The following EEIG2 variants were observed in gnomAD, a reference collection of about 807,000 sequenced individuals.
The protein encoded by EEIG2 is family with sequence similarity 102 member B.
chr1:108,563,777 A>C, the EEIG2 span, among the ~76,000 whole-genome samples: 1 of 152,232 alleles, frequency 6.6e-6, no homozygotes, highest in Non-Finnish European at 1.5e-5. Context: ...AATTACTTCT[A>C]ATGAAATTAG....
At chr1:108,575,345 G>A in the EEIG2 span, among the ~76,000 whole-genome samples, 2 of 152,114 alleles carry the variant, frequency 1.3e-5, no homozygotes, top group African/African-American at 4.8e-5. Flanking sequence ...GAATTTCTCA[G>A]CTAAAATTAA....
chr1:108,611,398 CAG>C, the EEIG2 span, among the ~76,000 whole-genome samples: 2 of 152,146 alleles, frequency 1.3e-5, no homozygotes, highest in African/African-American at 4.8e-5. Context: ...TGAGCAACAA[CAG>C]AGGAAAGACT....
chr1:108,620,220 A>G, the EEIG2 span, among the ~76,000 whole-genome samples: 15 of 152,342 alleles, frequency 9.8e-5, no homozygotes, highest in Admixed American at 2.6e-4. Context: ...AAATTGTTTT[A>G]AATTTACTTG....
the EEIG2 span, chr1:108,629,449 A>C: frequency 1.8e-6 from 1 of 555,522 alleles, no homozygotes; most frequent in Non-Finnish European, 3.2e-6. Context: ...CCTATTTTAA[A>C]ACATGTATAT....
chr1:108,594,544 A>C, the EEIG2 span, among the ~76,000 whole-genome samples: 1 of 152,222 alleles, frequency 6.6e-6, no homozygotes, highest in Non-Finnish European at 1.5e-5. Flanking sequence ...CTTTATCTAT[A>C]AAATGGAGTT....
chr1:108,613,225 A>G, the EEIG2 span, among the ~76,000 whole-genome samples: 2 of 152,246 alleles, frequency 1.3e-5, no homozygotes, highest in Non-Finnish European at 2.9e-5. Context: ...TTGATTGCAT[A>G]GTTTTGTGGT....
At chr1:108,606,179 CT>C in the EEIG2 span, 1 of 1,277,738 alleles carries the variant, frequency 7.8e-7, no homozygotes. Flanking sequence ...AATTTTAAAT[CT>C]TTCATTATGT....
At chr1:108,634,113 G>GA in the EEIG2 span, among the ~76,000 whole-genome samples, 1,294 of 152,240 alleles carry the variant, frequency 8.5e-3, 20 homozygotes, top group East Asian at 0.02. Flanking sequence ...AGGCAGGAGG[G>GA]AAAATCTGGT....
the EEIG2 span, among the ~76,000 whole-genome samples, chr1:108,630,069 C>T: frequency 2.0e-5 from 3 of 152,290 alleles, no homozygotes; most frequent in South Asian, 2.1e-4. Context: ...GCCTCAAACT[C>T]CTGAGCTCAA....
At chr1:108,576,128 C>T in the EEIG2 span, among the ~76,000 whole-genome samples, 1 of 152,174 alleles carries the variant, frequency 6.6e-6, no homozygotes, top group Non-Finnish European at 1.5e-5. Flanking sequence ...ACCACAGGCA[C>T]ACACCACTGT....
chr1:108,632,965 T>TTTA, the EEIG2 span, among the ~76,000 whole-genome samples: 31 of 149,924 alleles, frequency 2.1e-4, 1 homozygote, highest in Non-Finnish European at 4.2e-4. Flanking sequence ...TTTTTTTTTT[T>TTTA]ATAGAGACAG....
At chr1:108,637,046 C>T in the EEIG2 span, 5 of 152,168 alleles carry the variant, frequency 3.3e-5, no homozygotes, top group African/African-American at 1.2e-4. Flanking sequence ...GTAAGAGGTG[C>T]TGCAATCAGG....
At chr1:108,596,172 G>A in the EEIG2 span, among the ~76,000 whole-genome samples, 1 of 150,184 alleles carries the variant, frequency 6.7e-6, no homozygotes, top group African/African-American at 2.5e-5. Flanking sequence ...AAAATTCTTA[G>A]TGGGTTTTTT....
At chr1:108,588,728 CT>C in the EEIG2 span, among the ~76,000 whole-genome samples, 465 of 121,304 alleles carry the variant, frequency 3.8e-3, 2 homozygotes, top group Middle Eastern at 8.5e-3. Context: ...GGTTATTTGA[CT>C]TTTTTTTTTT....
the EEIG2 span, among the ~76,000 whole-genome samples, chr1:108,600,158 A>C: frequency 6.6e-6 from 1 of 152,190 alleles, no homozygotes; most frequent in African/African-American, 2.4e-5. Context: ...TTATTCCTAG[A>C]ATAAGCATTT....
At chr1:108,604,931 C>T in the EEIG2 span, among the ~76,000 whole-genome samples, 1 of 151,292 alleles carries the variant, frequency 6.6e-6, no homozygotes, top group Non-Finnish European at 1.5e-5. Flanking sequence ...GTAGTCTTAG[C>T]TACTCAGAAG....
chr1:108,621,248 C>G, the EEIG2 span, among the ~76,000 whole-genome samples: 1 of 152,034 alleles, frequency 6.6e-6, no homozygotes, highest in Non-Finnish European at 1.5e-5. Context: ...ATTTTCAGAA[C>G]AAAAGGGGTA....
chr1:108,598,148 A>G, the EEIG2 span, among the ~76,000 whole-genome samples: 2 of 152,062 alleles, frequency 1.3e-5, no homozygotes, highest in Non-Finnish European at 2.9e-5. Flanking sequence ...CCTGGCCAAC[A>G]TGGTGAAACC....
the EEIG2 span, among the ~76,000 whole-genome samples, chr1:108,615,657 C>G: frequency 2.6e-5 from 4 of 151,894 alleles, no homozygotes; most frequent in African/African-American, 4.8e-5. Context: ...TAGTGTGCAC[C>G]TATAGTCCCA....
Sources: allele counts gnomAD v4.1 joint callset (sites outside exome capture counted in the v4.1 genomes callset), GRCh38; gene constraint gnomAD v4.1.1; transcripts MANE v1.5; gene names NCBI Gene and HGNC (gene_info 2026-07-23, HGNC 2026-07-21).